The following NDUFA5 variants were observed in gnomAD, a reference collection of about 807,000 sequenced individuals.
NDUFA5 encodes NADH:ubiquinone oxidoreductase subunit A5, also known as NADH dehydrogenase [ubiquinone] 1 alpha subcomplex subunit 5.
In NDUFA5, 11 loss-of-function variants were observed where a neutral mutation model predicts 19.8. That is an observed-to-expected ratio of 0.56 (90% confidence interval 0.35 to 0.92). The LOEUF (loss-of-function observed/expected upper bound fraction) is 0.92. Ranked by LOEUF, NDUFA5 falls within the 40% of genes least tolerant of loss-of-function variation. The pLI is 0.01. For missense variants in NDUFA5, 109 were observed against 134.2 expected, an observed-to-expected ratio of 0.81 and a Z score of 0.93; for synonymous variants, 47 against 46.8, an observed-to-expected ratio of 1.00 and a Z score of -0.01.
the NDUFA5 span, among the ~76,000 whole-genome samples, chr7:123,589,514 T>C: frequency 6.6e-6 from 1 of 151,866 alleles, no homozygotes; most frequent in Non-Finnish European, 1.5e-5. Context: ...TGTTCCCTTC[T>C]CTCTGTCCCT....
At chr7:123,556,638 T>G in intron 2 of NDUFA5, 1 of 300,190 alleles carries the variant, frequency 3.3e-6, no homozygotes, top group Non-Finnish European at 6.5e-6. Flanking sequence ...ATTAGGTCAA[T>G]GAAGGTGAGA....
intron 2 of NDUFA5, among the ~76,000 whole-genome samples, chr7:123,552,199 A>T (rs550593936): frequency 6.6e-6 from 1 of 151,882 alleles, no homozygotes; most frequent in East Asian, 1.9e-4. Context: ...AAATGTGTGC[A>T]GTCCTCACTA....
At chr7:123,552,473 C>A (rs1798381887) in intron 2 of NDUFA5, among the ~76,000 whole-genome samples, 3 of 151,828 alleles carry the variant, frequency 2.0e-5, no homozygotes, top group African/African-American at 7.3e-5. Context: ...ACATCACACA[C>A]TGGGGCCTGT....
chr7:123,565,986 T>G, the NDUFA5 span, among the ~76,000 whole-genome samples: 1 of 148,232 alleles, frequency 6.7e-6, no homozygotes, highest in Non-Finnish European at 1.5e-5. Flanking sequence ...GCCACTGCAC[T>G]CCAGCCTGGG....
At chr7:123,578,736 T>A in the NDUFA5 span, among the ~76,000 whole-genome samples, 1 of 152,244 alleles carries the variant, frequency 6.6e-6, no homozygotes, top group East Asian at 1.9e-4. Context: ...TAGAATTTTA[T>A]GTGCTAAAGT....
At chr7:123,572,080 G>A in the NDUFA5 span, among the ~76,000 whole-genome samples, 1 of 149,118 alleles carries the variant, frequency 6.7e-6, no homozygotes, top group South Asian at 2.1e-4. Context: ...GAGCCAGTGT[G>A]CCAGACCAGT....
Position 123,557,432 on chromosome 7 carries a change from C to A in NDUFA5, c.38G>T (p.Gly13Val). Residue 13 changes from glycine to valine, a missense_variant, in exon 2 of 5, where the codon GGA (glycine) becomes GTA (valine). Coordinates refer to ENST00000355749, the MANE Select transcript of NDUFA5 (RefSeq NM_005000.5). ...GVLKKTTGLV[G>V]LAVCNTPHER... ...GTGAGGAGTATTGCACACAGCCAAT[C>A]CCACAAGGCCAGTGGTCTGTTCAAA... 1.9e-6 allele frequency: 3 copies of A among 1,612,724 alleles called. No individual in the cohort carries two copies. Among genetic ancestry groups the A allele is most frequent in the Non-Finnish European group, 2.5e-6 (3 of 1,179,392 alleles).
chr7:123,545,463 T>G (rs1798094752), intron 4 of NDUFA5, 148 bp downstream of exon 4: 4 of 641,020 alleles, frequency 6.2e-6, no homozygotes, highest in Non-Finnish European at 1.1e-5. Context: ...AACATACACA[T>G]GAGAAGCACC....
At chr7:123,597,767 G>T in the NDUFA5 span, among the ~76,000 whole-genome samples, 2 of 152,098 alleles carry the variant, frequency 1.3e-5, no homozygotes, top group East Asian at 3.9e-4. Context: ...GGAGGCAGAG[G>T]TTGCAGTGAG....
the NDUFA5 span, among the ~76,000 whole-genome samples, chr7:123,597,928 G>GTGTA: frequency 6.6e-6 from 1 of 150,584 alleles, no homozygotes; most frequent in Non-Finnish European, 1.5e-5. Context: ...GTGTGTGTGT[G>GTGTA]TGTGTGTGTG....
At chr7:123,581,775 A>C in the NDUFA5 span, among the ~76,000 whole-genome samples, 1 of 151,958 alleles carries the variant, frequency 6.6e-6, no homozygotes, top group East Asian at 1.9e-4. Context: ...CCAGCTATGA[A>C]TATATCACAT....
intron 3 of NDUFA5, 83 bp downstream of exon 3, chr7:123,550,387 T>G: frequency 1.3e-6 from 1 of 767,916 alleles, no homozygotes; most frequent in South Asian, 1.5e-5. Flanking sequence ...AGAAGAAAAG[T>G]GTGTCGAATA....
At chr7:123,586,128 T>A in the NDUFA5 span, among the ~76,000 whole-genome samples, 1 of 151,868 alleles carries the variant, frequency 6.6e-6, no homozygotes, top group Non-Finnish European at 1.5e-5. Context: ...AATAGATTTA[T>A]TTTAAATTTT....
At chr7:123,595,312 C>T in the NDUFA5 span, among the ~76,000 whole-genome samples, 10 of 152,188 alleles carry the variant, frequency 6.6e-5, no homozygotes, top group South Asian at 2.1e-4. Flanking sequence ...TTCATTTGTT[C>T]TCTGGTTGAT....
rs201411142 is a variant in NDUFA5 at position 123,540,896 on chromosome 7, A to G, written c.*1223T>C. ...CAAATGTGCGCATGCGCGTGCACAC[A>G]CACACACACACACACACACACACAC... On this transcript the variant is annotated 3_prime_UTR_variant, in exon 5 of 5. Coordinates refer to ENST00000355749, the MANE Select transcript of NDUFA5 (RefSeq NM_005000.5). The G allele has an allele frequency of 0.025, 2,087 of 83,038 alleles. 38 individuals carry two copies. Among genetic ancestry groups the G allele is most frequent in the African/African-American group, 0.062 (1,653 of 26,550 alleles). The allele number at this position is 83,038 out of a possible 1,614,324, so 5.1% of individuals were successfully genotyped here.
chr7:123,557,141 A>G, intron 2 of NDUFA5: 1 of 666,012 alleles, frequency 1.5e-6, no homozygotes, highest in Non-Finnish European at 2.8e-6. Flanking sequence ...CGCTGACAGA[A>G]GCAAGCACAA....
At chr7:123,552,362 C>T (rs775778100) in intron 2 of NDUFA5, among the ~76,000 whole-genome samples, 27 of 152,010 alleles carry the variant, frequency 1.8e-4, no homozygotes, top group Non-Finnish European at 2.4e-4. Flanking sequence ...TGGAAACCAT[C>T]ATTCTCAGCA....
Position 123,557,759 on chromosome 7 carries a change from C to A in NDUFA5, c.21+16G>T, listed in dbSNP as rs778318692. ...CCCACAGTCTAAATTCCAACAGTGA[C>A]CTCCATTCGTCTCACCTTCTTCAGC... On this transcript the variant is annotated intron_variant, in intron 1 of 4. Transcript: ENST00000355749. 6.2e-7 allele frequency: 1 copy of A among 1,614,004 alleles called. No homozygotes were observed. Among genetic ancestry groups the A allele is most frequent in the East Asian group, 2.2e-5 (1 of 44,848 alleles).
upstream of NDUFA5, among the ~76,000 whole-genome samples, chr7:123,561,087 T>C (rs1246418304): frequency 6.6e-6 from 1 of 152,226 alleles, no homozygotes; most frequent in Non-Finnish European, 1.5e-5. Flanking sequence ...AAGTCAATAT[T>C]GGTCAGATGG....
Sources: allele counts gnomAD v4.1 joint callset (sites outside exome capture counted in the v4.1 genomes callset), GRCh38; gene constraint gnomAD v4.1.1; transcripts MANE v1.5; gene names NCBI Gene and HGNC (gene_info 2026-07-23, HGNC 2026-07-21).